The following ADCY2 variants were observed in gnomAD, a reference collection of about 807,000 sequenced individuals.
The protein encoded by ADCY2 is adenylate cyclase type 2.
In ADCY2, 31 loss-of-function variants were observed where a neutral mutation model predicts 125.2. The observed-to-expected ratio is 0.25, with a 90% CI of 0.19 to 0.33. The LOEUF is 0.33. Among genes scored for constraint, ADCY2 ranks in the 10% least tolerant of loss-of-function variants. ADCY2 has a pLI of 1.00. For missense variants in ADCY2, 904 were observed against 1,418.2 expected (o/e 0.64, Z 5.82); for synonymous variants, 512 against 548.4 (o/e 0.93, Z 0.93).
intron 7 of ADCY2, among the ~76,000 whole-genome samples, chr5:7,701,040 T>C (rs1484937227): frequency 1.3e-5 from 2 of 152,212 alleles, no homozygotes. Context: ...TACTTTTAAT[T>C]CTATGGATCT....
At chr5:7,669,246 A>C (rs1739853567) in intron 4 of ADCY2, among the ~76,000 whole-genome samples, 2 of 152,232 alleles carry the variant, frequency 1.3e-5, no homozygotes, top group Admixed American at 6.5e-5. Flanking sequence ...TCCCCTCTAA[A>C]CTAATAAATA....
chr5:7,649,919 T>C (rs1455898980), intron 4 of ADCY2, among the ~76,000 whole-genome samples: 1 of 152,046 alleles, frequency 6.6e-6, no homozygotes, highest in Non-Finnish European at 1.5e-5. Flanking sequence ...ACTGGACTTT[T>C]TCCTCTCACT....
intron 19 of ADCY2, among the ~76,000 whole-genome samples, chr5:7,787,032 C>T (rs1233162457): frequency 1.3e-5 from 2 of 152,228 alleles, no homozygotes; most frequent in African/African-American, 2.4e-5. Flanking sequence ...TTCTGTCTCA[C>T]TCACTGTTGA....
At position 7,494,531 on chromosome 5, in the gene ADCY2, T is replaced by C. The variant is rs1410557598; in HGVS notation, c.409-26207T>C. Among the ~76,000 whole-genome samples the C allele has an allele frequency of 2.6e-5, 4 of 152,136 alleles. No individual in the cohort carries two copies. In the East Asian group the frequency reaches 7.7e-4, roughly 29 times the overall value. ...AAAACTGAGCTGGGTACTTCTTACA[T>C]GTGCTCAAATTTCACCATCCTTAAC... On this transcript the variant is annotated intron_variant, in intron 2 of 24. Coordinates refer to ENST00000338316, the MANE Select transcript of ADCY2 (RefSeq NM_020546.3).
intron 18 of ADCY2, among the ~76,000 whole-genome samples, chr5:7,773,567 C>T (rs764029056): frequency 1.3e-5 from 2 of 152,008 alleles, no homozygotes; most frequent in Admixed American, 6.6e-5. Flanking sequence ...CTCAGGAAGG[C>T]AAAATGGCCC....
At chr5:7,550,324 C>A (rs1735285919) in intron 3 of ADCY2, among the ~76,000 whole-genome samples, 1 of 152,120 alleles carries the variant, frequency 6.6e-6, no homozygotes, top group African/African-American at 2.4e-5. Flanking sequence ...CATTAACAGT[C>A]TACTGGGTCT....
At chr5:7,809,231 C>T (rs1744858403) in intron 22 of ADCY2, among the ~76,000 whole-genome samples, 1 of 152,122 alleles carries the variant, frequency 6.6e-6, no homozygotes, top group African/African-American at 2.4e-5. Context: ...GATATGTAGT[C>T]ATATCCATGG....
chr5:7,400,787 T>G (rs1359401177), intron 1 of ADCY2, among the ~76,000 whole-genome samples: 1 of 152,246 alleles, frequency 6.6e-6, no homozygotes, highest in East Asian at 1.9e-4. Context: ...CAGGTGCTTG[T>G]AATTTGCAAC....
At chr5:7,726,399 G>A (rs1276142977) in intron 13 of ADCY2, among the ~76,000 whole-genome samples, 1 of 152,182 alleles carries the variant, frequency 6.6e-6, no homozygotes, top group Non-Finnish European at 1.5e-5. Flanking sequence ...GATTAGTACA[G>A]GGAAAGCAGG....
chr5:7,709,128 C>T lies in ADCY2; in HGVS notation c.1402-83C>T, dbSNP rs1741359274. The T allele has an allele frequency of 7.2e-7, 1 of 1,379,562 alleles. No individual in the cohort carries two copies. Among genetic ancestry groups the T allele is most frequent in the Admixed American group, 2.6e-5 (1 of 38,962 alleles). 85.5% of individuals were successfully genotyped at this position (1,379,562 alleles called of 1,614,324 possible). A position where few individuals can be genotyped will look rare whatever the true frequency, so the allele number is the denominator to read the frequency against. On this transcript the variant is annotated intron_variant, in intron 9 of 24. Transcript: ENST00000338316. This position sits in a 1 kb window ranked among gnomAD's most constrained non-coding sequence, Gnocchi z 4.4. ...ATAGAGGGCTGTCAGGAGGAATGACCCTAGTCCAATGAGGTCGATGCCAAA... is the reference window on the plus strand; with the variant it reads ...ATAGAGGGCTGTCAGGAGGAATGACTCTAGTCCAATGAGGTCGATGCCAAA...
At chr5:7,758,163 G>A (rs1010667376) in intron 16 of ADCY2, among the ~76,000 whole-genome samples, 1 of 152,172 alleles carries the variant, frequency 6.6e-6, no homozygotes, top group East Asian at 1.9e-4. Flanking sequence ...TTGAAAGTGG[G>A]AACCAAGACT....
At chr5:7,757,631 G>T (rs775580296) in intron 16 of ADCY2, 45 bp downstream of exon 16, 1 of 1,595,660 alleles carries the variant, frequency 6.3e-7, no homozygotes, top group Non-Finnish European at 8.6e-7. Flanking sequence ...AAGCCCCAGA[G>T]CATGGCCGTG....
intron 3 of ADCY2, among the ~76,000 whole-genome samples, chr5:7,556,364 AAAC>A (rs1365447668): frequency 2.0e-5 from 3 of 152,190 alleles, no homozygotes; most frequent in Non-Finnish European, 2.9e-5. Flanking sequence ...TCTAGAAAAT[AAAC>A]AACAGAGTAA....
chr5:7,400,779 G>A lies in ADCY2; in HGVS notation c.210+4273G>A, dbSNP rs1227081292. On this transcript the variant is annotated intron_variant, in intron 1 of 24. Transcript: ENST00000338316. The stretch of plus-strand genomic sequence containing the variant: ...TACACGCAGGAAATCTTACTCTGCA[G>A]GTGCTTGTAATTTGCAACCAGTAAT... Among the ~76,000 whole-genome samples, 5 of 152,310 alleles carry A rather than the reference G, an allele frequency of 3.3e-5. No homozygotes were observed. In the South Asian group the frequency reaches 1.0e-3, roughly 32 times the overall value.
chr5:7,609,202 G>GTAT (rs1737488240), intron 3 of ADCY2, among the ~76,000 whole-genome samples: 1 of 152,164 alleles, frequency 6.6e-6, no homozygotes, highest in African/African-American at 2.4e-5. Flanking sequence ...GGGATGGCAG[G>GTAT]TATATATCAA....
chr5:7,824,579 T>G (rs1745407990), intron 24 of ADCY2, among the ~76,000 whole-genome samples: 1 of 152,154 alleles, frequency 6.6e-6, no homozygotes, highest in Non-Finnish European at 1.5e-5. Flanking sequence ...CACAAAGCAC[T>G]CCCGGGGCTC....
intron 18 of ADCY2, among the ~76,000 whole-genome samples, chr5:7,778,940 A>G (rs1196164187): frequency 6.6e-6 from 1 of 152,254 alleles, no homozygotes; most frequent in Non-Finnish European, 1.5e-5. Flanking sequence ...TGAAGAATAT[A>G]TTTCAAATTT....
chr5:7,731,079 A>G (rs1349695797), intron 14 of ADCY2, among the ~76,000 whole-genome samples: 1 of 151,844 alleles, frequency 6.6e-6, no homozygotes, highest in African/African-American at 2.4e-5. Flanking sequence ...GCCAGTTTCC[A>G]CTTTTTATTT....
rs367933228 is a variant in ADCY2, at chr5:7,690,726, C to T, written c.756C>T (p.Ile252=). Residue 252 remains isoleucine (I), a synonymous_variant, in exon 5 of 25, where the codon ATC becomes ATT. Transcript: ENST00000338316. ...TGCTCTCCCTGCTGCCGGCCCACATCGCCATGGAGATGAAAGCGGAGATCA... is the reference window on the plus strand; with the variant it reads ...TGCTCTCCCTGCTGCCGGCCCACATTGCCATGGAGATGAAAGCGGAGATCA... The part of the protein sequence containing the change: ...RLLLSLLPAH[I]AMEMKAEIIQ... 1.6e-5 allele frequency: 26 copies of T among 1,605,522 alleles called. No homozygotes were observed. The highest frequency in any genetic ancestry group is 2.0e-5 in the Non-Finnish European group (24 of 1,176,898).
Sources: allele counts gnomAD v4.1 joint callset (sites outside exome capture counted in the v4.1 genomes callset), GRCh38; gene constraint gnomAD v4.1.1; non-coding constraint Gnocchi (gnomAD v3.1); transcripts MANE v1.5; gene names NCBI Gene and HGNC (gene_info 2026-07-23, HGNC 2026-07-21).